Variants in TSC2 observed in about 807,000 individuals in gnomAD.
The protein encoded by TSC2 is tuberin.
Under a neutral mutation model 202.2 loss-of-function variants are expected in TSC2, and 29 were observed. That is an observed-to-expected ratio of 0.14 (90% confidence interval 0.11 to 0.20). The LOEUF is 0.20. TSC2 is among the 10% of genes least tolerant of loss of function. The probability of loss-of-function intolerance (pLI) is 1.00; values close to 1 mark genes in which losing one functional copy is unlikely to be tolerated. For missense variants in TSC2, 2,429 were observed against 2,420.0 expected (o/e 1.00, Z -0.08); for synonymous variants, 1,349 against 1,044.0 (o/e 1.29, Z -5.63).
At chr16:2,051,883 G>A (rs2085168760) in intron 3 of TSC2, among the ~76,000 whole-genome samples, 1 of 152,180 alleles carries the variant, frequency 6.6e-6, no homozygotes, top group Admixed American at 6.5e-5. Context: ...TGGCCAATGT[G>A]GCAAAACCCT....
At chr16:2,051,365 T>C (rs2085103464) in intron 3 of TSC2, among the ~76,000 whole-genome samples, 1 of 151,020 alleles carries the variant, frequency 6.6e-6, no homozygotes, top group Non-Finnish European at 1.5e-5. Flanking sequence ...TAGAAACGCA[T>C]GCTCACTCGC....
intron 17 of TSC2, 139 bp downstream of exon 17, chr16:2,070,717 T>A: frequency 7.1e-7 from 1 of 1,417,016 alleles, no homozygotes; most frequent in South Asian, 1.3e-5. Context: ...GCACCCACTG[T>A]GGCCGCAGCC....
rs137854217 is a variant in TSC2 at position 2,071,925 on chromosome 16, C to T, written c.2088C>T (p.Cys696=). 1.3e-6 allele frequency: 2 copies of T among 1,584,238 alleles called. No individual in the cohort carries two copies. The highest frequency in any genetic ancestry group is 8.6e-7 in the Non-Finnish European group (1 of 1,164,746). Residue 696 remains cysteine (C), a synonymous_variant, in exon 19 of 42, where the codon TGC becomes TGT. Transcript: ENST00000219476. The part of the protein sequence containing the change: ...YSLLFRVLLQ[C]LKQESDWKVL... ...TGCTCTTCCGCGTCCTGCTGCAGTG[C>T]TTGAAGCAGGTGAGTGGGGCCGGGC...
In TSC2 at chr16:2,050,117, A is replaced by C. The variant is rs2084918578; in HGVS notation, c.139-283A>C. On this transcript the variant is annotated intron_variant, in intron 2 of 41. Transcript: ENST00000219476. ...ATTATAGACGCCCACCACCACGCCC[A>C]GCAAATTTTTTGTATTTTTAGTAGA... Among the ~76,000 whole-genome samples the C allele has an allele frequency of 5.3e-5, 8 of 151,844 alleles. 1 individual carries two copies. In the South Asian group the frequency reaches 1.7e-3, roughly 32 times the overall value.
At chr16:2,060,506 A>T (rs1299145078) in intron 10 of TSC2, among the ~76,000 whole-genome samples, 164 bp from the exon 11 acceptor site, 1 of 150,876 alleles carries the variant, frequency 6.6e-6, no homozygotes, top group African/African-American at 2.4e-5. Flanking sequence ...GCATGTAGAA[A>T]CCCCTCCTGG....
At chr16:2,080,750 C>T (rs2090045302) in intron 30 of TSC2, 2 of 271,418 alleles carry the variant, frequency 7.4e-6, no homozygotes, top group South Asian at 8.1e-5. Context: ...TCCCAAAGTG[C>T]TGGGATTACA....
intron 26 of TSC2, among the ~76,000 whole-genome samples, 197 bp downstream of exon 26, chr16:2,077,923 C>T (rs953642994): frequency 8.5e-5 from 13 of 152,250 alleles, no homozygotes; most frequent in South Asian, 4.1e-4. Context: ...GCTGGTTGCA[C>T]GCATCCCCAG....
At chr16:2,065,661 C>T (rs371094408) in intron 16 of TSC2, 26 bp downstream of exon 16, 20 of 1,598,296 alleles carry the variant, frequency 1.3e-5, no homozygotes, top group Non-Finnish European at 1.6e-5. Context: ...GAGGCCTCTG[C>T]TCCCGGGGCG....
chr16:2,058,634 CA>C, intron 9 of TSC2, 112 bp from the exon 10 acceptor site: 1 of 1,491,900 alleles, frequency 6.7e-7, no homozygotes, highest in East Asian at 2.5e-5. Context: ...CTGCCCCCCC[CA>C]AGCACAGGGA....
intron 35 of TSC2, 81 bp from the exon 36 acceptor site, chr16:2,085,149 C>T: frequency 3.7e-6 from 6 of 1,603,442 alleles, no homozygotes; most frequent in East Asian, 2.2e-5. Context: ...CTCCCTGTGG[C>T]AGCCTGCCGT....
intron 25 of TSC2, 46 bp downstream of exon 25, chr16:2,076,631 G>A (rs1363632764): frequency 6.3e-7 from 1 of 1,599,234 alleles, no homozygotes; most frequent in South Asian, 1.1e-5. Context: ...GGGTGGGGAA[G>A]GACATGGGGC....
intron 37 of TSC2, 119 bp downstream of exon 37, chr16:2,086,498 C>A: frequency 6.8e-7 from 1 of 1,464,280 alleles, no homozygotes; most frequent in Non-Finnish European, 9.3e-7. Context: ...TCCAGCTCCC[C>A]ACGCCTCAGG....
chr16:2,054,564 C>T, intron 5 of TSC2, 124 bp downstream of exon 5: 1 of 1,427,442 alleles, frequency 7.0e-7, no homozygotes, highest in African/African-American at 1.4e-5. Flanking sequence ...GGTATGCCCA[C>T]CCTGCTTCAT....
Position 2,061,989 on chromosome 16 carries a change from G to C in TSC2, c.1238G>C (p.Arg413Thr). The change falls in exon 12 of 42, where the codon AGA (arginine) becomes ACA (threonine). Residue 413 changes from arginine (R) to threonine (T), a missense_variant. Transcript: ENST00000219476. Reference protein sequence around the residue: ...SQERYFELVERCADQRPESSL... With the variant: ...SQERYFELVETCADQRPESSL... ...GAGAGATACTTTGAACTGGTGGAGA[G>C]ATGTGCGGACCAGAGGCCTGTGAGA... is the stretch of plus-strand genomic sequence containing the variant. The C allele has an allele frequency of 6.2e-7, 1 of 1,614,174 alleles. No homozygotes were observed. The highest frequency in any genetic ancestry group is 8.5e-7 in the Non-Finnish European group (1 of 1,180,022).
At position 2,077,815 on chromosome 16, in the gene TSC2, C is replaced by CTCA. The variant is rs397515128; in HGVS notation, c.2966+92_2966+94dup. The stretch of plus-strand genomic sequence containing the variant: ...CAGTGCATGGGGCTGCTTGCATGAC[C>CTCA]TCATCGTCTGCCCGTGTCCTCCCTG... On this transcript the variant is annotated intron_variant, in intron 26 of 41. Transcript: ENST00000219476. The CTCA allele has an allele frequency of 4.4e-3, 6,925 of 1,589,386 alleles. 272 individuals are homozygous for CTCA. The African/African-American group carries it at 0.082, about 19-fold the overall frequency.
rs571767462 is a variant in TSC2, at chr16:2,060,807, G to C, written c.1113G>C (p.Gln371His). The stretch of plus-strand genomic sequence containing the variant: ...ACATCATCGAACGGCTCCTTCAGCA[G>C]CTCCAGGTGGGGTGGGGGCAGGAGC... ...LLNIIERLLQ[Q>H]LQTLDSPELR... is the part of the protein sequence containing the mutation. Residue 371 changes from glutamine to histidine, a missense_variant, in exon 11 of 42, where the codon CAG (glutamine) becomes CAC (histidine). Transcript: ENST00000219476. The C allele has an allele frequency of 3.1e-6, 5 of 1,613,602 alleles. No homozygotes were observed. The East Asian group carries it at 8.9e-5, about 29-fold the overall frequency.
rs1482573368 is a variant in TSC2 at position 2,048,710 on chromosome 16, A to G, written c.95A>G (p.Glu32Gly). Residue 32 changes from glutamate (E) to glycine (G), a missense_variant, in exon 2 of 42, where the codon GAG becomes GGG. Coordinates refer to ENST00000219476, the MANE Select transcript of TSC2 (RefSeq NM_000548.5). The stretch of plus-strand genomic sequence containing the variant: ...CCGAGGCCAAATCCCAGGTCTGCAG[A>G]GGGTAAACAGACGGAGTTTATCATC... ...GTPRPNPRSA[E>G]GKQTEFIITA... 4 of 1,613,952 alleles carry G rather than the reference A, an allele frequency of 2.5e-6. No homozygotes were observed. The highest frequency in any genetic ancestry group is 2.2e-5 in the East Asian group (1 of 44,898).
At chr16:2,082,342 C>G (rs1486569534) in intron 31 of TSC2, 94 bp from the exon 32 acceptor site, 2 of 1,464,076 alleles carry the variant, frequency 1.4e-6, no homozygotes, top group East Asian at 2.3e-5. Flanking sequence ...GCCCTGCCCT[C>G]TCTCCTCTGC....
intron 31 of TSC2, 105 bp downstream of exon 31, chr16:2,081,903 G>C (rs1037375332): frequency 6.8e-7 from 1 of 1,463,674 alleles, no homozygotes; most frequent in Admixed American, 1.9e-5. Context: ...ACACGGCTGG[G>C]AGTGGTCCCT....
Sources: gnomAD v4.1 joint callset for allele counts (sites outside exome capture counted in the v4.1 genomes callset) on GRCh38, gnomAD v4.1.1 for gene constraint, MANE v1.5 for transcripts, NCBI Gene and HGNC (gene_info 2026-07-23, HGNC 2026-07-21) for gene names.